The following SCN8A variants were observed in gnomAD, a reference collection of about 807,000 sequenced individuals.
SCN8A encodes sodium voltage-gated channel alpha subunit 8.
A neutral mutation model predicts 184.1 loss-of-function variants in SCN8A; 30 were observed. The ratio of observed to expected loss-of-function variants is 0.16; its 90% CI spans 0.12 to 0.22. The LOEUF (loss-of-function observed/expected upper bound fraction) is 0.22. SCN8A is among the 10% of genes least tolerant of loss of function. SCN8A has a pLI of 1.00. For missense variants in SCN8A, 1,057 were observed against 2,498.9 expected (o/e 0.42, Z 12.30); for synonymous variants, 852 against 907.0 (o/e 0.94, Z 1.09).
chr12:51,699,566 T>C lies in SCN8A; in HGVS notation c.707-4T>C. On this transcript the variant is annotated splice_polypyrimidine_tract_variant and splice_region_variant and intron_variant, in intron 6 of 26. Transcript: ENST00000627620. ...CTCTGATTCCGGGGATTCTGTCTCC[T>C]CAGGCCTGAAGACAATTGTGGGTGC... 6.2e-7 allele frequency: 1 copy of C among 1,609,282 alleles called. No individual in the cohort carries two copies. Among genetic ancestry groups the C allele is most frequent in the Non-Finnish European group, 8.5e-7 (1 of 1,176,538 alleles).
chr12:51,665,089 C>G (rs1565879401), intron 2 of SCN8A, among the ~76,000 whole-genome samples: 2 of 152,216 alleles, frequency 1.3e-5, no homozygotes, highest in Non-Finnish European at 2.9e-5. Context: ...TTTTCTTAAA[C>G]CTGACAGGAG....
At position 51,769,121 on chromosome 12, in the gene SCN8A, T is replaced by C; in HGVS notation, c.3158T>C (p.Ile1053Thr). ...ATCGCCAATCACACCGGTGCAGACA[T>C]CCACCGGAATGGTGACTTCCAGAAG... ...NCIANHTGADIHRNGDFQKNG... is the reference protein window; with the variant it reads ...NCIANHTGADTHRNGDFQKNG... The change falls in exon 17 of 27, where the codon ATC (isoleucine) becomes ACC (threonine). Residue 1053 changes from isoleucine (I) to threonine (T), a missense_variant. Physicochemically the swap from Ile to Thr is moderately conservative, Grantham distance 89 (BLOSUM62 -1). This residue lies in a region of SCN8A where 178 missense variants were observed against 259.6 expected (regional missense o/e 0.69). Transcript: ENST00000627620. The C allele has an allele frequency of 6.2e-7, 1 of 1,613,380 alleles. No individual in the cohort carries two copies. Among genetic ancestry groups the C allele is most frequent in the East Asian group, 2.2e-5 (1 of 44,866 alleles).
intron 21 of SCN8A, among the ~76,000 whole-genome samples, 169 bp downstream of exon 21, chr12:51,780,940 C>T (rs771626262): frequency 6.6e-6 from 1 of 152,154 alleles, no homozygotes. Flanking sequence ...AGGGGAATTG[C>T]GTTAAGCTGC....
intron 9 of SCN8A, among the ~76,000 whole-genome samples, chr12:51,704,778 G>C (rs1941752649): frequency 6.6e-6 from 1 of 150,614 alleles, no homozygotes; most frequent in African/African-American, 2.4e-5. Context: ...CTCAAGACCA[G>C]CCTGGCCAAC....
At chr12:51,778,905 G>A (rs1410072794) in intron 20 of SCN8A, among the ~76,000 whole-genome samples, 1 of 151,996 alleles carries the variant, frequency 6.6e-6, no homozygotes. Flanking sequence ...ACCTATCCTA[G>A]AATTTGTGTT....
intron 12 of SCN8A, among the ~76,000 whole-genome samples, chr12:51,728,330 A>G (rs939435213): frequency 2.6e-5 from 4 of 152,200 alleles, no homozygotes; most frequent in Admixed American, 6.5e-5. Context: ...CCCCTTATCT[A>G]CAATAAACAG....
intron 12 of SCN8A, among the ~76,000 whole-genome samples, chr12:51,744,846 T>C (rs1051099333): frequency 1.3e-5 from 2 of 152,168 alleles, no homozygotes; most frequent in African/African-American, 4.8e-5. Flanking sequence ...GAGGTAATTA[T>C]TTTCTTTTTA....
chr12:51,591,408 G>A (rs934858767), intron 1 of SCN8A, 49 bp downstream of exon 1: 2 of 153,294 alleles, frequency 1.3e-5, no homozygotes, highest in African/African-American at 4.8e-5. Context: ...TGCCCTCCGG[G>A]TTTCCCTTCT....
At chr12:51,630,785 T>C (rs1592340399) in intron 1 of SCN8A, among the ~76,000 whole-genome samples, 1 of 152,182 alleles carries the variant, frequency 6.6e-6, no homozygotes, top group South Asian at 2.1e-4. Flanking sequence ...CAGAGACTAA[T>C]GAATTTTTTT....
intron 1 of SCN8A, among the ~76,000 whole-genome samples, chr12:51,654,544 T>C (rs1940783291): frequency 6.6e-6 from 1 of 152,132 alleles, no homozygotes; most frequent in African/African-American, 2.4e-5. Flanking sequence ...ATTCCATTAG[T>C]CTATATGTCT....
chr12:51,749,660 T>G (rs1182001717), intron 13 of SCN8A, among the ~76,000 whole-genome samples: 1 of 152,066 alleles, frequency 6.6e-6, no homozygotes, highest in Non-Finnish European at 1.5e-5. Flanking sequence ...TCCTTAAATC[T>G]GAAAAACCAA....
At chr12:51,637,716 A>G (rs3912918) in intron 1 of SCN8A, among the ~76,000 whole-genome samples, 9,124 of 152,276 alleles carry the variant, frequency 0.06, 400 homozygotes, top group East Asian at 0.14. Context: ...TCTCCAGAAC[A>G]TGACAGTATA....
Position 51,699,829 on chromosome 12 carries a change from T to C in SCN8A, c.928+38T>C, listed in dbSNP as rs755622714. The C allele has an allele frequency of 2.6e-6, 4 of 1,527,162 alleles. No individual in the cohort carries two copies. The East Asian group carries it at 9.2e-5, about 35-fold the overall frequency. 94.6% of individuals were successfully genotyped at this position (1,527,162 alleles called of 1,614,324 possible). ...TTCTCTGCAAGAGGAATAGGAAAAG[T>C]CTATTCCTAGTTCACATGGTCAGAA... is the stretch of plus-strand genomic sequence containing the variant. On this transcript the variant is annotated intron_variant, in intron 7 of 26. Coordinates refer to ENST00000627620, the MANE Select transcript of SCN8A (RefSeq NM_001330260.2).
At chr12:51,776,006 T>C (rs575446956) in intron 20 of SCN8A, among the ~76,000 whole-genome samples, 2 of 152,350 alleles carry the variant, frequency 1.3e-5, no homozygotes, top group East Asian at 3.9e-4. Flanking sequence ...TATTTATTTT[T>C]TGAGATGAGG....
chr12:51,695,435 G>T (rs1432717778), intron 6 of SCN8A, among the ~76,000 whole-genome samples: 1 of 152,178 alleles, frequency 6.6e-6, no homozygotes, highest in African/African-American at 2.4e-5. Flanking sequence ...GTGAGCATTT[G>T]GGTCCATCTC....
At chr12:51,746,743 C>A (rs1027658096) in intron 13 of SCN8A, among the ~76,000 whole-genome samples, 2 of 152,170 alleles carry the variant, frequency 1.3e-5, no homozygotes, top group Non-Finnish European at 2.9e-5. Flanking sequence ...TGAAGATTTT[C>A]CATTAGGCCA....
chr12:51,772,060 TC>T (rs1390611369), intron 19 of SCN8A, among the ~76,000 whole-genome samples: 1 of 152,182 alleles, frequency 6.6e-6, no homozygotes, highest in Admixed American at 6.5e-5. Context: ...GATATTTGGT[TC>T]AGTACCTGCA....
intron 1 of SCN8A, among the ~76,000 whole-genome samples, chr12:51,592,092 C>T (rs1246258602): frequency 7.6e-6 from 1 of 131,484 alleles, no homozygotes; most frequent in African/African-American, 2.8e-5. Flanking sequence ...CGATGCAGAG[C>T]TTGTTCCTCT....
At chr12:51,668,290 A>G (rs1941071831) in intron 2 of SCN8A, among the ~76,000 whole-genome samples, 1 of 152,288 alleles carries the variant, frequency 6.6e-6, no homozygotes, top group South Asian at 2.1e-4. Flanking sequence ...AGAATAATAG[A>G]AAATTATAAT....
Sources: gnomAD v4.1 joint callset for allele counts (sites outside exome capture counted in the v4.1 genomes callset) on GRCh38, gnomAD v4.1.1 for gene constraint, gnomAD v4.1.1 regional missense constraint, MANE v1.5 for transcripts, NCBI Gene and HGNC (gene_info 2026-07-23, HGNC 2026-07-21) for gene names.